The following CRYBG1 variants were observed in gnomAD, a reference collection of about 807,000 sequenced individuals.
CRYBG1 encodes the protein beta/gamma crystallin domain-containing protein 1.
Under a neutral mutation model 189.2 loss-of-function variants are expected in CRYBG1, and 139 were observed. The observed-to-expected ratio is 0.73, with a 90% CI of 0.64 to 0.85. The LOEUF (loss-of-function observed/expected upper bound fraction) is 0.85. CRYBG1 is among the 40% of genes least tolerant of loss of function. The pLI, the probability that CRYBG1 is intolerant of heterozygous loss-of-function variation, is 0.00. For synonymous variants in CRYBG1, 1,023 were observed against 1,017.1 expected (o/e 1.01, Z -0.11); for missense variants, 2,611 against 2,675.8 (o/e 0.98, Z 0.53).
At chr6:106,480,165 A>G (rs1199984782) in intron 2 of CRYBG1, among the ~76,000 whole-genome samples, 1 of 152,172 alleles carries the variant, frequency 6.6e-6, no homozygotes, top group Non-Finnish European at 1.5e-5. Context: ...CAGGGGAGAC[A>G]TTAATTGCAG....
Position 106,511,913 on chromosome 6 carries a change from G to C in CRYBG1, c.796G>C (p.Glu266Gln). 1 of 1,524,590 alleles carries C rather than the reference G, an allele frequency of 6.6e-7. No homozygotes were observed. Among genetic ancestry groups the C allele is most frequent in the Non-Finnish European group, 8.8e-7 (1 of 1,139,750 alleles). The allele number at this position is 1,524,590 out of a possible 1,614,324, so 94.4% of individuals were successfully genotyped here. ...HSSPGNSSRQ[E>Q]NAETPARSPG... Reference sequence around the variant, plus strand: ...CTCGCCGGGAAATTCCTCCAGGCAAGAGAACGCAGAGACGCCCGCCCGCAG... The same window carrying C: ...CTCGCCGGGAAATTCCTCCAGGCAACAGAACGCAGAGACGCCCGCCCGCAG... The change falls in exon 3 of 22, where the codon GAG becomes CAG. Residue 266 changes from glutamate (E) to glutamine (Q), a missense_variant. This residue lies in a region of CRYBG1 where 985 missense variants were observed against 924.4 expected (regional missense o/e 1.07). Coordinates refer to ENST00000633556, the MANE Select transcript of CRYBG1 (RefSeq NM_001371242.2).
intron 18 of CRYBG1, among the ~76,000 whole-genome samples, chr6:106,559,716 G>A (rs1245473677): frequency 5.9e-5 from 9 of 151,916 alleles, no homozygotes; most frequent in Admixed American, 2.6e-4. Flanking sequence ...AACCCAGGAG[G>A]TGGAGGTTGC....
At chr6:106,440,513 T>C (rs570788733) in intron 1 of CRYBG1, among the ~76,000 whole-genome samples, 3 of 152,308 alleles carry the variant, frequency 2.0e-5, no homozygotes, top group Admixed American at 1.3e-4. Flanking sequence ...GCGATCCACC[T>C]GCCTCAGCCT....
At position 106,502,543 on chromosome 6, in the gene CRYBG1, G is replaced by GA. The variant is rs200731943; in HGVS notation, c.313-8879dup. Reference sequence around the variant, plus strand: ...CCTTTTAATTACACATTATGCATAAGAAAAAAAATCGCCGAATTAGGATAA... The same window carrying GA: ...CCTTTTAATTACACATTATGCATAAGAAAAAAAAATCGCCGAATTAGGATAA... On this transcript the variant is annotated intron_variant, in intron 2 of 21. Transcript: ENST00000633556. Among the ~76,000 whole-genome samples, 597 of 152,090 alleles carry GA rather than the reference G, an allele frequency of 3.9e-3. 4 individuals are homozygous for GA. The highest frequency in any genetic ancestry group is 0.013 in the African/African-American group (557 of 41,514).
chr6:106,516,848 C>T (rs1257205797), intron 3 of CRYBG1, among the ~76,000 whole-genome samples: 1 of 151,998 alleles, frequency 6.6e-6, no homozygotes, highest in Non-Finnish European at 1.5e-5. Flanking sequence ...AGTTACTTCT[C>T]AACACTTCAA....
intron 3 of CRYBG1, among the ~76,000 whole-genome samples, chr6:106,518,547 A>C (rs368208792): frequency 6.6e-6 from 1 of 152,206 alleles, no homozygotes; most frequent in East Asian, 1.9e-4. Context: ...AAATTAGTTC[A>C]TCCCTCATCC....
rs1300786497 is a variant in CRYBG1 at position 106,360,812 on chromosome 6, A to C, written c.-97A>C. The C allele has an allele frequency of 1.2e-5, 17 of 1,367,472 alleles. No homozygotes were observed. Among genetic ancestry groups the C allele is most frequent in the Non-Finnish European group, 1.6e-5 (17 of 1,051,560 alleles). 84.7% of individuals were successfully genotyped at this position (1,367,472 alleles called of 1,614,324 possible). A position where few individuals can be genotyped will look rare whatever the true frequency, so the allele number is the denominator to read the frequency against. ...GGCGGGGTCCCACGGCGCGCTGAGA[A>C]AGGCGGGCGAGCTGGCGCTCAGGTG... is the stretch of plus-strand genomic sequence containing the variant. On this transcript the variant is annotated 5_prime_UTR_variant, in exon 1 of 22. Transcript: ENST00000633556.
intron 13 of CRYBG1, among the ~76,000 whole-genome samples, chr6:106,551,292 G>C (rs1055102212): frequency 6.6e-6 from 1 of 152,068 alleles, no homozygotes; most frequent in Non-Finnish European, 1.5e-5. Flanking sequence ...GTGTTAATTC[G>C]CTTAGGATAG....
At chr6:106,495,963 G>A (rs140086635) in intron 2 of CRYBG1, among the ~76,000 whole-genome samples, 9 of 152,148 alleles carry the variant, frequency 5.9e-5, no homozygotes, top group African/African-American at 2.2e-4. Flanking sequence ...TTAATGGTAG[G>A]CAAAGTTAGA....
At position 106,520,601 on chromosome 6, in the gene CRYBG1, A is replaced by C; in HGVS notation, c.3393A>C (p.Pro1131=). ...MPMKRKKARM[P]NSPAPHFAMP... ...TGAAAAGAAAGAAGGCCAGGATGCC[A>C]AACTCTCCTGCTCCTCACTTTGCCA... Residue 1131 remains proline (P), a synonymous_variant, in exon 4 of 22, where the codon CCA becomes CCC. Transcript: ENST00000633556. 10 of 1,614,178 alleles carry C rather than the reference A, an allele frequency of 6.2e-6. No homozygotes were observed. The highest frequency in any genetic ancestry group is 8.5e-6 in the Non-Finnish European group (10 of 1,180,018).
At position 106,416,999 on chromosome 6, in the gene CRYBG1, C is replaced by CTTTTTTT. The variant is rs71663353; in HGVS notation, c.174-34677_174-34671dup. 1.7e-3 allele frequency among the ~76,000 whole-genome samples: 119 copies of CTTTTTTT among 69,490 alleles called. 17 individuals are homozygous for CTTTTTTT. Among genetic ancestry groups the CTTTTTTT allele is most frequent in the African/African-American group, 7.1e-3 (111 of 15,690 alleles). The allele number at this position is 69,490 out of a possible 152,430, so 45.6% of individuals were successfully genotyped here. ...AGAACAAAGGCAATGATGGGATTTA[C>CTTTTTTT]TTTTTTTTTTTTTTTTTTTTTTTTG... On this transcript the variant is annotated intron_variant, in intron 1 of 21. Transcript: ENST00000633556.
intron 1 of CRYBG1, among the ~76,000 whole-genome samples, chr6:106,385,703 C>T (rs1770373827): frequency 1.3e-5 from 2 of 152,182 alleles, no homozygotes; most frequent in Non-Finnish European, 2.9e-5. Flanking sequence ...CTCATTAATC[C>T]TCTCTAACAA....
intron 1 of CRYBG1, among the ~76,000 whole-genome samples, chr6:106,398,748 AC>A (rs890458658): frequency 6.6e-6 from 1 of 151,898 alleles, no homozygotes; most frequent in Non-Finnish European, 1.5e-5. Context: ...ATCAAAATCA[AC>A]CCCCTTCTTC....
intron 1 of CRYBG1, among the ~76,000 whole-genome samples, chr6:106,366,800 G>A (rs995285709): frequency 1.4e-4 from 21 of 152,362 alleles, no homozygotes; most frequent in African/African-American, 4.8e-4. Flanking sequence ...GTGGTCAGTA[G>A]CAGGGGCAAT....
chr6:106,371,889 G>A (rs1156906172), intron 1 of CRYBG1, among the ~76,000 whole-genome samples: 1 of 152,180 alleles, frequency 6.6e-6, no homozygotes, highest in Non-Finnish European at 1.5e-5. Flanking sequence ...GCACTTAATT[G>A]TATCCTTTCC....
At chr6:106,553,959 CAG>C (rs976086855) in intron 16 of CRYBG1, among the ~76,000 whole-genome samples, 3 of 152,152 alleles carry the variant, frequency 2.0e-5, no homozygotes, top group South Asian at 2.1e-4. Context: ...ACACGCGAAT[CAG>C]GGAGCATACC....
intron 2 of CRYBG1, among the ~76,000 whole-genome samples, chr6:106,486,935 C>T (rs982476490): frequency 2.0e-5 from 3 of 152,058 alleles, no homozygotes; most frequent in Admixed American, 6.5e-5. Flanking sequence ...TAAGGACTTA[C>T]TCCTGCCATT....
chr6:106,375,773 T>C (rs955480345), intron 1 of CRYBG1, among the ~76,000 whole-genome samples: 4 of 152,226 alleles, frequency 2.6e-5, no homozygotes, highest in Non-Finnish European at 5.9e-5. Flanking sequence ...CTTCACCATA[T>C]TGAGTAGTTC....
intron 2 of CRYBG1, among the ~76,000 whole-genome samples, chr6:106,470,316 C>A (rs1772205981): frequency 6.6e-6 from 1 of 152,100 alleles, no homozygotes; most frequent in Non-Finnish European, 1.5e-5. Flanking sequence ...CAAAGGGAGA[C>A]CTTGTCTCAA....
Sources: allele counts gnomAD v4.1 joint callset (sites outside exome capture counted in the v4.1 genomes callset), GRCh38; gene constraint gnomAD v4.1.1; regional missense constraint gnomAD v4.1.1; transcripts MANE v1.5; gene names NCBI Gene and HGNC (gene_info 2026-07-23, HGNC 2026-07-21).